The following COL24A1 variants were observed in gnomAD, a reference collection of about 807,000 sequenced individuals.
The protein encoded by COL24A1 is collagen type XXIV alpha 1 chain.
In COL24A1, 224 loss-of-function variants were observed where a neutral mutation model predicts 253.9. The observed-to-expected ratio is 0.88, with a 90% CI of 0.79 to 0.99. The LOEUF is 0.99. Ranked by LOEUF, COL24A1 falls within the 50% of genes least tolerant of loss-of-function variation. The probability of loss-of-function intolerance (pLI) is 0.00; values close to 1 mark genes in which losing one functional copy is unlikely to be tolerated. For synonymous variants in COL24A1, 685 were observed against 673.7 expected (o/e 1.02, Z -0.26); for missense variants, 2,131 against 2,068.5 (o/e 1.03, Z -0.59).
intron 7 of COL24A1, among the ~76,000 whole-genome samples, chr1:86,073,118 A>C (rs938764500): frequency 6.6e-6 from 1 of 152,164 alleles, no homozygotes; most frequent in Non-Finnish European, 1.5e-5. Flanking sequence ...CTGGATGGAG[A>C]ATGAGTTTGA....
chr1:85,912,450 T>A (rs1348556752), intron 24 of COL24A1, among the ~76,000 whole-genome samples: 1 of 152,190 alleles, frequency 6.6e-6, no homozygotes, highest in Non-Finnish European at 1.5e-5. Context: ...GAAACTTTTT[T>A]CAATAGCTAC....
intron 47 of COL24A1, among the ~76,000 whole-genome samples, chr1:85,812,132 G>C (rs544614531): frequency 6.6e-6 from 1 of 152,138 alleles, no homozygotes; most frequent in Admixed American, 6.5e-5. Context: ...TTATGAACTC[G>C]GTAATAATCG....
At chr1:85,921,052 G>A (rs1484587912) in intron 24 of COL24A1, among the ~76,000 whole-genome samples, 2 of 152,164 alleles carry the variant, frequency 1.3e-5, no homozygotes, top group Non-Finnish European at 2.9e-5. Flanking sequence ...ATTTCCAACT[G>A]AGGTACCTGG....
At position 85,823,440 on chromosome 1, in the gene COL24A1, A is replaced by T. The variant is rs1673867846; in HGVS notation, c.3789+96T>A. 2.6e-6 allele frequency: 3 copies of T among 1,153,158 alleles called. No homozygotes were observed. The East Asian group carries it at 7.4e-5, about 29-fold the overall frequency. 71.4% of individuals were successfully genotyped at this position (1,153,158 alleles called of 1,614,324 possible). ...GATCCATATTCTACAGTGATAAATGATAATTTGAATTACAATAAATAGTAA... is the reference window on the plus strand; with the variant it reads ...GATCCATATTCTACAGTGATAAATGTTAATTTGAATTACAATAAATAGTAA... On this transcript the variant is annotated intron_variant, in intron 45 of 59. Transcript: ENST00000370571.
intron 43 of COL24A1, among the ~76,000 whole-genome samples, chr1:85,827,605 C>G (rs574290845): frequency 1.3e-5 from 2 of 151,774 alleles, no homozygotes; most frequent in African/African-American, 4.8e-5. Flanking sequence ...AATTTCAGCT[C>G]GTTATTGATC....
intron 24 of COL24A1, among the ~76,000 whole-genome samples, chr1:85,945,000 GTGTT>G (rs1420598978): frequency 1.2e-3 from 43 of 36,122 alleles, no homozygotes; most frequent in African/African-American, 3.6e-3. Context: ...GTCTATCATT[GTGTT>G]TTTTTTTTTT....
At chr1:85,846,991 G>A (rs1191059999) in intron 39 of COL24A1, among the ~76,000 whole-genome samples, 2 of 152,032 alleles carry the variant, frequency 1.3e-5, no homozygotes, top group African/African-American at 2.4e-5. Flanking sequence ...ACACTAAATG[G>A]AAATACGCAT....
At chr1:86,013,672 C>T (rs1430344841) in intron 19 of COL24A1, among the ~76,000 whole-genome samples, 2 of 152,066 alleles carry the variant, frequency 1.3e-5, no homozygotes, top group Non-Finnish European at 2.9e-5. Context: ...CCCGTCTCTA[C>T]TAAAAATACA....
At position 85,961,238 on chromosome 1, in the gene COL24A1, A is replaced by G. The variant is rs138808175; in HGVS notation, c.2562+11T>C. On this transcript the variant is annotated intron_variant, in intron 24 of 59. Transcript: ENST00000370571. ...AGCTGATTAAAAAATAAGAGCATAA[A>G]ATAAGCTTACTGTTTCACCAATTTT... 1.0e-3 allele frequency: 1,597 copies of G among 1,576,610 alleles called. 35 individuals carry two copies. In the Admixed American group the frequency reaches 0.026, roughly 26 times the overall value.
chr1:86,081,860 G>C (rs1702663596), intron 7 of COL24A1, among the ~76,000 whole-genome samples: 1 of 152,160 alleles, frequency 6.6e-6, no homozygotes, highest in Admixed American at 6.5e-5. Context: ...ACCAGACAAA[G>C]TAAGGACTGC....
In COL24A1 at chr1:86,033,892, G is replaced by C; in HGVS notation, c.1982C>G (p.Pro661Arg). ...GFPGDFGDRG[P>R]AGLDGSPGLV... ...CACAGGACTGCCATCAAGACCAGCA[G>C]GGCCTCTGTCTCCAAAGTCACCTGG... The change falls in exon 13 of 60, where the codon CCT becomes CGT. Residue 661 changes from proline (P) to arginine (R), a missense_variant. Physicochemically the swap from Pro to Arg is moderately radical, Grantham distance 103. Coordinates refer to ENST00000370571, the MANE Select transcript of COL24A1 (RefSeq NM_152890.7). 6.3e-7 allele frequency: 1 copy of C among 1,598,554 alleles called. No homozygotes were observed. Among genetic ancestry groups the C allele is most frequent in the Non-Finnish European group, 8.5e-7 (1 of 1,173,832 alleles).
chr1:85,841,214 A>G lies in COL24A1; in HGVS notation c.3627+8T>C. ...GAATAACCAGAATTATTTCAGAAAA[A>G]GACCTACTGGTTCACCTCGAGGCCC... On this transcript the variant is annotated splice_region_variant and intron_variant, in intron 42 of 59. Coordinates refer to ENST00000370571, the MANE Select transcript of COL24A1 (RefSeq NM_152890.7). The G allele has an allele frequency of 6.3e-7, 1 of 1,589,072 alleles. No individual in the cohort carries two copies. Among genetic ancestry groups the G allele is most frequent in the Non-Finnish European group, 8.6e-7 (1 of 1,166,294 alleles).
intron 47 of COL24A1, among the ~76,000 whole-genome samples, chr1:85,812,204 A>G (rs1570717276): frequency 1.3e-5 from 2 of 152,364 alleles, no homozygotes; most frequent in South Asian, 4.1e-4. Flanking sequence ...TCAAAATGGC[A>G]TGTATTGAAA....
chr1:85,871,663 C>T (rs1006376806), intron 35 of COL24A1, among the ~76,000 whole-genome samples: 15 of 152,246 alleles, frequency 9.9e-5, no homozygotes, highest in Admixed American at 2.0e-4. Flanking sequence ...ATGCTAAAAA[C>T]TCTCCATTAA....
chr1:85,926,992 G>A (rs191016841), intron 24 of COL24A1, among the ~76,000 whole-genome samples: 1 of 152,290 alleles, frequency 6.6e-6, no homozygotes, highest in Admixed American at 6.5e-5. Context: ...CAGGTTGATG[G>A]TAACCTGTAG....
At chr1:85,915,895 C>A (rs544671712) in intron 24 of COL24A1, among the ~76,000 whole-genome samples, 88 of 152,232 alleles carry the variant, frequency 5.8e-4, no homozygotes, top group African/African-American at 2.0e-3. Context: ...TTCAAGTGAT[C>A]CACCCGCCTT....
At chr1:85,769,587 G>A (rs758099743) in intron 53 of COL24A1, among the ~76,000 whole-genome samples, 1 of 151,954 alleles carries the variant, frequency 6.6e-6, no homozygotes, top group African/African-American at 2.4e-5. Flanking sequence ...CATACATAAA[G>A]GGTATGGTAG....
intron 24 of COL24A1, among the ~76,000 whole-genome samples, chr1:85,926,417 C>A (rs1687226560): frequency 6.6e-6 from 1 of 152,134 alleles, no homozygotes; most frequent in African/African-American, 2.4e-5. Flanking sequence ...TGGAACCAAC[C>A]CAAATGTCCA....
At chr1:85,873,232 T>C (rs996982702) in intron 35 of COL24A1, among the ~76,000 whole-genome samples, 43 of 152,200 alleles carry the variant, frequency 2.8e-4, no homozygotes, top group African/African-American at 9.7e-4. Flanking sequence ...ACTTTTACAC[T>C]GTTGGTGGGA....
Sources: allele counts gnomAD v4.1 joint callset (sites outside exome capture counted in the v4.1 genomes callset), GRCh38; gene constraint gnomAD v4.1.1; transcripts MANE v1.5; gene names NCBI Gene and HGNC (gene_info 2026-07-23, HGNC 2026-07-21).